Variants in ABTB3 observed in about 807,000 individuals in gnomAD.
ABTB3 encodes ankyrin repeat- and BTB/POZ domain-containing protein 3.
chr12:107,369,409 T>C, the ABTB3 span, among the ~76,000 whole-genome samples: 1 of 141,048 alleles, frequency 7.1e-6, no homozygotes, highest in East Asian at 2.0e-4. Flanking sequence ...TTTTTTTTTT[T>C]CTTTTTGAGA....
At chr12:107,578,786 G>C in the ABTB3 span, among the ~76,000 whole-genome samples, 33 of 152,354 alleles carry the variant, frequency 2.2e-4, no homozygotes, top group African/African-American at 7.7e-4. Context: ...GACAGCCTAA[G>C]AAGCAGGCTG....
the ABTB3 span, among the ~76,000 whole-genome samples, chr12:107,499,362 C>CTGTGTGTGTG: frequency 4.0e-3 from 598 of 149,674 alleles, 2 homozygotes; most frequent in African/African-American, 7.6e-3. Flanking sequence ...AAGAGGGAAG[C>CTGTGTGTGTG]TGTGTGTGTG....
the ABTB3 span, among the ~76,000 whole-genome samples, chr12:107,429,487 C>T: frequency 6.6e-6 from 1 of 152,172 alleles, no homozygotes; most frequent in Non-Finnish European, 1.5e-5. Context: ...GTCACATTTG[C>T]TCACCTGAGC....
At chr12:107,544,290 G>A in the ABTB3 span, 2 of 811,890 alleles carry the variant, frequency 2.5e-6, no homozygotes, top group East Asian at 5.4e-5. Flanking sequence ...ACCCTGAGGG[G>A]ATATCTTAGA....
chr12:107,572,450 A>G, the ABTB3 span, among the ~76,000 whole-genome samples: 2 of 152,068 alleles, frequency 1.3e-5, no homozygotes, highest in Non-Finnish European at 1.5e-5. Flanking sequence ...AAACTAACAC[A>G]CCAAGCAAAC....
the ABTB3 span, among the ~76,000 whole-genome samples, chr12:107,449,881 A>G: frequency 6.6e-6 from 1 of 152,074 alleles, no homozygotes; most frequent in African/African-American, 2.4e-5. Context: ...GCTTCAAGCA[A>G]TCCTCCTGCC....
chr12:107,418,345 T>C, the ABTB3 span, among the ~76,000 whole-genome samples: 1 of 152,346 alleles, frequency 6.6e-6, no homozygotes, highest in East Asian at 1.9e-4. Context: ...AGCTTGCAGA[T>C]GGCTTATTGT....
At chr12:107,349,130 GT>G in the ABTB3 span, among the ~76,000 whole-genome samples, 1 of 152,228 alleles carries the variant, frequency 6.6e-6, no homozygotes, top group Admixed American at 6.5e-5. Flanking sequence ...GCTGCAGGTG[GT>G]GACTGGTCAG....
chr12:107,643,826 C>T, the ABTB3 span, among the ~76,000 whole-genome samples: 2 of 143,982 alleles, frequency 1.4e-5, no homozygotes, highest in East Asian at 2.0e-4. Flanking sequence ...TGTAGTGGCA[C>T]AATCTTGGCT....
the ABTB3 span, among the ~76,000 whole-genome samples, chr12:107,598,575 C>G: frequency 2.0e-5 from 3 of 152,190 alleles, no homozygotes; most frequent in Non-Finnish European, 4.4e-5. Flanking sequence ...ATTTCTTTCC[C>G]AGGTGATCTT....
chr12:107,454,914 G>C, the ABTB3 span, among the ~76,000 whole-genome samples: 1 of 152,146 alleles, frequency 6.6e-6, no homozygotes, highest in African/African-American at 2.4e-5. Context: ...ACACCTTATT[G>C]TTACAGTCAT....
the ABTB3 span, chr12:107,657,497 C>T: frequency 5.0e-6 from 8 of 1,612,148 alleles, no homozygotes; most frequent in Admixed American, 1.7e-5. Flanking sequence ...ATTTCCTCTC[C>T]ACTCTCCACA....
the ABTB3 span, among the ~76,000 whole-genome samples, chr12:107,405,494 T>C: frequency 1.4e-5 from 2 of 145,710 alleles, no homozygotes; most frequent in Non-Finnish European, 1.5e-5. Context: ...TCATCCTTAC[T>C]GAAGGCACCA....
the ABTB3 span, among the ~76,000 whole-genome samples, chr12:107,585,427 A>G: frequency 6.6e-6 from 1 of 152,134 alleles, no homozygotes; most frequent in African/African-American, 2.4e-5. Context: ...AGCACCAACT[A>G]AGTGCCAATC....
At chr12:107,552,086 A>G in the ABTB3 span, among the ~76,000 whole-genome samples, 1 of 152,180 alleles carries the variant, frequency 6.6e-6, no homozygotes, top group African/African-American at 2.4e-5. Flanking sequence ...AGTGAGAATT[A>G]AATTTTTAAA....
chr12:107,646,716 CTGTT>C, the ABTB3 span, among the ~76,000 whole-genome samples: 4 of 152,208 alleles, frequency 2.6e-5, no homozygotes, highest in African/African-American at 9.6e-5. Flanking sequence ...ACACTGCAGT[CTGTT>C]TGCTTGCTGT....
the ABTB3 span, among the ~76,000 whole-genome samples, chr12:107,508,438 C>CTTTTTTTTTTTTTTTTTTTTTTT: frequency 2.5e-4 from 17 of 69,162 alleles, 2 homozygotes; most frequent in East Asian, 2.1e-3. Context: ...AAGATCATTT[C>CTTTTTTTTTTTTTTTTTTTTTTT]TTTTTTTTTT....
chr12:107,368,239 A>G, the ABTB3 span, among the ~76,000 whole-genome samples: 2 of 152,210 alleles, frequency 1.3e-5, no homozygotes. Context: ...CACGGCAGAG[A>G]GATGAGCAAG....
the ABTB3 span, among the ~76,000 whole-genome samples, chr12:107,367,492 A>C: frequency 1.3e-5 from 2 of 151,102 alleles, no homozygotes; most frequent in South Asian, 4.2e-4. Flanking sequence ...TTAATATTTT[A>C]TTTTTATTAT....
Sources: allele counts gnomAD v4.1 joint callset (sites outside exome capture counted in the v4.1 genomes callset), GRCh38; gene constraint gnomAD v4.1.1; transcripts MANE v1.5; gene names NCBI Gene and HGNC (gene_info 2026-07-23, HGNC 2026-07-21).